Variants in DMD observed in about 807,000 individuals in gnomAD.
DMD encodes the protein dystrophin, also known as mutant dystrophin.
A neutral mutation model predicts 330.1 loss-of-function variants in DMD; 63 were observed. The ratio of observed to expected loss-of-function variants is 0.19; its 90% confidence interval spans 0.16 to 0.24. The LOEUF (loss-of-function observed/expected upper bound fraction) is 0.24. Among genes scored for constraint, DMD ranks in the 10% least tolerant of loss-of-function variants. The pLI, the probability that DMD is intolerant of heterozygous loss-of-function variation, is 1.00. For missense variants in DMD, 3,344 were observed against 2,684.1 expected, an observed-to-expected ratio of 1.25 and a Z score of -5.43; for synonymous variants, 1,223 against 959.8, an observed-to-expected ratio of 1.27 and a Z score of -5.07.
chrX:32,673,576 T>C (rs1255157783), intron 9 of DMD, among the ~76,000 whole-genome samples: 1 of 111,996 alleles, frequency 8.9e-6, no homozygotes, highest in Non-Finnish European at 1.9e-5. Flanking sequence ...AATCGAATGT[T>C]TGTATGAACA....
rs60739281 is a variant in DMD, at chrX:32,558,938, C to CTTTTTTTTTTTTTTT, written c.1992+6749_1992+6763dup. ...TATTTGAGATGTAACTTCAAATTTTCTTTTTTTTTTTTTTTTTTTTTTTTT... is the reference window on the plus strand; with the variant it reads ...TATTTGAGATGTAACTTCAAATTTTCTTTTTTTTTTTTTTTTTTTTTTTTTTTTTTTTTTTTTTTT... On this transcript the variant is annotated intron_variant, in intron 16 of 78. Transcript: ENST00000357033. 2.6e-4 allele frequency among the ~76,000 whole-genome samples: 13 copies of CTTTTTTTTTTTTTTT among 50,813 alleles called. 1 individual carries two copies. Among genetic ancestry groups the CTTTTTTTTTTTTTTT allele is most frequent in the African/African-American group, 1.1e-3 (11 of 9,735 alleles). The allele number at this position is 50,813 out of a possible 115,157, so 44.1% of individuals were successfully genotyped here.
At chrX:31,721,688 C>CCATATATATATA (rs1569292569) in intron 52 of DMD, among the ~76,000 whole-genome samples, 19 of 49,857 alleles carry the variant, frequency 3.8e-4, no homozygotes, top group Non-Finnish European at 5.7e-4. Context: ...CTCTCTCACT[C>CCATATATATATA]TCTCTCTCTC....
intron 17 of DMD, among the ~76,000 whole-genome samples, chrX:32,539,285 A>G (rs950558567): frequency 2.7e-5 from 3 of 110,315 alleles, no homozygotes; most frequent in African/African-American, 9.9e-5. Context: ...CTATAACACT[A>G]GAATGGATTT....
At chrX:32,631,874 G>A (rs184737716) in intron 11 of DMD, among the ~76,000 whole-genome samples, 1 of 111,247 alleles carries the variant, frequency 9.0e-6, no homozygotes, top group East Asian at 2.9e-4. Flanking sequence ...ATCTGGGCAA[G>A]AACATACATC....
chrX:31,333,187 C>T (rs1379626257), intron 61 of DMD, among the ~76,000 whole-genome samples: 2 of 111,445 alleles, frequency 1.8e-5, no homozygotes, highest in African/African-American at 3.3e-5. Flanking sequence ...ATTAGTATTG[C>T]TTCAGAATTC....
At chrX:32,858,218 A>ACC (rs1569535239) in intron 2 of DMD, among the ~76,000 whole-genome samples, 11 of 112,627 alleles carry the variant, frequency 9.8e-5, no homozygotes, top group Non-Finnish European at 1.3e-4. Context: ...AGTATAAATT[A>ACC]CACAGTGCCT....
intron 7 of DMD, among the ~76,000 whole-genome samples, chrX:32,751,075 G>A (rs2070749762): frequency 9.0e-6 from 1 of 111,380 alleles, no homozygotes; most frequent in Non-Finnish European, 1.9e-5. Flanking sequence ...TCCATTCTCT[G>A]GCATGACTTT....
intron 2 of DMD, among the ~76,000 whole-genome samples, chrX:32,905,262 T>A (rs1005547175): frequency 1.8e-5 from 2 of 111,660 alleles, no homozygotes; most frequent in African/African-American, 6.5e-5. Context: ...AGACATAGGA[T>A]TCACTAACTT....
At position 32,492,060 on chromosome X, in the gene DMD, C is replaced by T. The variant is rs367691378; in HGVS notation, c.2381-542G>A. 1.7e-4 allele frequency among the ~76,000 whole-genome samples: 19 copies of T among 112,272 alleles called. No homozygotes were observed. The South Asian group carries it at 7.0e-3, about 42-fold the overall frequency. On this transcript the variant is annotated intron_variant, in intron 19 of 78. Transcript: ENST00000357033. ...AGATTAGAAATAAACAGATTGTCGG[C>T]TGGGCACGGTGGCTCATGCCTATAA...
chrX:31,287,895 C>T (rs966386156), intron 62 of DMD, among the ~76,000 whole-genome samples: 8 of 111,539 alleles, frequency 7.2e-5, no homozygotes, highest in Non-Finnish European at 1.5e-4. Context: ...TGCCTTAAAA[C>T]CTCCCAATTA....
intron 7 of DMD, among the ~76,000 whole-genome samples, chrX:32,802,904 T>C (rs1488031193): frequency 8.9e-6 from 1 of 112,043 alleles, no homozygotes. Context: ...CACATTGATG[T>C]TCATCAGGGA....
At chrX:32,241,096 T>A (rs981628084) in intron 43 of DMD, among the ~76,000 whole-genome samples, 5 of 112,221 alleles carry the variant, frequency 4.5e-5, no homozygotes, top group Non-Finnish European at 9.4e-5. Flanking sequence ...TGTATTGTTT[T>A]TATTCCCTTA....
intron 60 of DMD, among the ~76,000 whole-genome samples, chrX:31,388,871 C>A (rs749922032): frequency 8.9e-6 from 1 of 112,419 alleles, no homozygotes; most frequent in East Asian, 2.8e-4. Context: ...CACTGCACTC[C>A]AGCCTGGGTG....
chrX:32,432,388 C>T (rs16990373), intron 29 of DMD, among the ~76,000 whole-genome samples: 21,043 of 111,197 alleles, frequency 0.19, 1,805 homozygotes, highest in African/African-American at 0.32. Flanking sequence ...CATGTTACGG[C>T]ATGACTTCAG....
At chrX:32,063,482 A>G (rs1279145252) in intron 44 of DMD, among the ~76,000 whole-genome samples, 1 of 111,080 alleles carries the variant, frequency 9.0e-6, no homozygotes, top group Non-Finnish European at 1.9e-5. Context: ...ATGTAGTAAA[A>G]TGATAACCTG....
intron 51 of DMD, among the ~76,000 whole-genome samples, chrX:31,754,372 G>A (rs949887303): frequency 5.4e-5 from 6 of 111,193 alleles, no homozygotes; most frequent in South Asian, 3.7e-4. Context: ...TTAATGGTAA[G>A]TTGGTTGGTT....
At chrX:33,298,288 C>T (rs1047938511) in intron 1 of DMD, among the ~76,000 whole-genome samples, 9 of 111,342 alleles carry the variant, frequency 8.1e-5, no homozygotes, top group Non-Finnish European at 1.7e-4. Flanking sequence ...CTGTGTTAGC[C>T]GCACATATCT....
chrX:32,038,201 A>G (rs1569535319), intron 44 of DMD, among the ~76,000 whole-genome samples: 1 of 111,865 alleles, frequency 8.9e-6, no homozygotes, highest in African/African-American at 3.3e-5. Flanking sequence ...TAATAGTAGA[A>G]AACTCAAAAG....
intron 12 of DMD, among the ~76,000 whole-genome samples, chrX:32,600,531 G>A (rs1428864948): frequency 2.0e-5 from 2 of 99,431 alleles, no homozygotes; most frequent in Admixed American, 2.3e-4. Context: ...CTACTCCTCC[G>A]ACTTCATTGA....
Sources: gnomAD v4.1 joint callset for allele counts (sites outside exome capture counted in the v4.1 genomes callset) on GRCh38, gnomAD v4.1.1 for gene constraint, MANE v1.5 for transcripts, NCBI Gene and HGNC (gene_info 2026-07-23, HGNC 2026-07-21) for gene names.